The following SFI1 variants were observed in gnomAD, a reference collection of about 807,000 sequenced individuals.
SFI1 encodes the protein SFI1 centrin binding protein.
Under a neutral mutation model 207.5 loss-of-function variants are expected in SFI1, and 195 were observed. The observed-to-expected ratio is 0.94, with a 90% CI of 0.84 to 1.06. The LOEUF (loss-of-function observed/expected upper bound fraction) is 1.06, where lower values mean the gene tolerates loss of function less well. SFI1 is among the 50% of genes least tolerant of loss of function. The pLI, the probability that SFI1 is intolerant of heterozygous loss-of-function variation, is 0.00. For missense variants in SFI1, 1,634 were observed against 1,588.0 expected, an observed-to-expected ratio of 1.03 and a Z score of -0.49; for synonymous variants, 630 against 598.9, an observed-to-expected ratio of 1.05 and a Z score of -0.76.
chr22:31,614,402 C>T (rs878861199), intron 27 of SFI1: 14 of 395,208 alleles, frequency 3.5e-5, no homozygotes, highest in Admixed American at 2.8e-4. Context: ...CCTTGGGCCT[C>T]GGGGGAGATG....
intron 22 of SFI1, 107 bp downstream of exon 22, chr22:31,608,140 T>C: frequency 1.2e-6 from 1 of 804,212 alleles, no homozygotes; most frequent in Non-Finnish European, 2.0e-6. Context: ...ACATGCCAGT[T>C]CCCTGTGGTT....
intron 8 of SFI1, among the ~76,000 whole-genome samples, chr22:31,569,947 CAAAAA>C (rs71202099): frequency 6.9e-5 from 9 of 131,314 alleles, no homozygotes; most frequent in Admixed American, 7.9e-5. Flanking sequence ...GAACCTATCT[CAAAAA>C]AAAAAAAAAA....
rs130092 is a variant in SFI1, at chr22:31,568,230, T to A, written c.766-4828T>A. On this transcript the variant is annotated intron_variant, in intron 8 of 32. Coordinates refer to ENST00000400288, the MANE Select transcript of SFI1 (RefSeq NM_001007467.3). ...TGTGTGTATATATATATATATATTTTTTTTTTTTTACCATAAATGCATTTC... is the reference window on the plus strand; with the variant it reads ...TGTGTGTATATATATATATATATTTATTTTTTTTTACCATAAATGCATTTC... 6.0e-3 allele frequency among the ~76,000 whole-genome samples: 889 copies of A among 147,228 alleles called. 8 individuals carry two copies. The highest frequency in any genetic ancestry group is 0.018 in the African/African-American group (712 of 40,196).
At chr22:31,595,137 C>T (rs1569425342) in intron 15 of SFI1, among the ~76,000 whole-genome samples, 1 of 152,088 alleles carries the variant, frequency 6.6e-6, no homozygotes, top group East Asian at 1.9e-4. Context: ...GCTGGGATTA[C>T]AGGTGTGCGC....
At chr22:31,538,400 G>A (rs2059191434) in intron 4 of SFI1, 1 of 152,260 alleles carries the variant, frequency 6.6e-6, no homozygotes, top group Non-Finnish European at 1.5e-5. Context: ...AGGTCGAAAT[G>A]GAGGTGTGGG....
At chr22:31,527,203 C>T (rs778503892) in intron 2 of SFI1, among the ~76,000 whole-genome samples, 1 of 151,854 alleles carries the variant, frequency 6.6e-6, no homozygotes, top group African/African-American at 2.4e-5. Context: ...GGCTGAGAAC[C>T]TGTCTTTAAA....
chr22:31,524,428 C>CTT (rs930075359), intron 2 of SFI1, among the ~76,000 whole-genome samples: 1 of 145,764 alleles, frequency 6.9e-6, no homozygotes, highest in East Asian at 2.0e-4. Context: ...GCTCCCCTCA[C>CTT]TTTTTTTTTT....
rs527939986 is a variant in SFI1 at position 31,552,331 on chromosome 22, C to T, written c.544+1983C>T. Among the ~76,000 whole-genome samples, 6 of 152,074 alleles carry T rather than the reference C, an allele frequency of 3.9e-5. No homozygotes were observed. In the South Asian group the frequency reaches 1.0e-3, roughly 26 times the overall value. On this transcript the variant is annotated intron_variant, in intron 6 of 32. Transcript: ENST00000400288. ...GCAGTGGTGTGATCTCGGCTCACTG[C>T]AGCCTCCACCTCCTGGGTTCAAGTG...
At chr22:31,583,228 C>G (rs1398675658) in intron 12 of SFI1, among the ~76,000 whole-genome samples, 1 of 152,204 alleles carries the variant, frequency 6.6e-6, no homozygotes, top group Non-Finnish European at 1.5e-5. Context: ...ATTCTCCTGC[C>G]TCAGCCTCCC....
chr22:31,614,694 C>T, intron 27 of SFI1, 95 bp from the exon 28 acceptor site: 1 of 1,421,232 alleles, frequency 7.0e-7, no homozygotes, highest in Non-Finnish European at 9.9e-7. Flanking sequence ...TCCTGACTTT[C>T]AGTCTCCCTA....
chr22:31,533,581 A>AC (rs1055532362), intron 4 of SFI1, among the ~76,000 whole-genome samples: 1 of 150,992 alleles, frequency 6.6e-6, no homozygotes, highest in Non-Finnish European at 1.5e-5. Flanking sequence ...AAAGAAACAA[A>AC]AAAAAAAAGA....
At chr22:31,537,265 A>G (rs2059086733) in intron 4 of SFI1, among the ~76,000 whole-genome samples, 1 of 152,108 alleles carries the variant, frequency 6.6e-6, no homozygotes, top group African/African-American at 2.4e-5. Flanking sequence ...TGATCTCTTT[A>G]TCAGGAAAGA....
chr22:31,508,752 C>T (rs998858184), intron 2 of SFI1, among the ~76,000 whole-genome samples: 4 of 152,078 alleles, frequency 2.6e-5, no homozygotes, highest in South Asian at 4.1e-4. Context: ...ATGAAGCTCT[C>T]GGCACCTTAT....
intron 4 of SFI1, among the ~76,000 whole-genome samples, chr22:31,539,033 G>A (rs767717031): frequency 6.6e-6 from 1 of 152,104 alleles, no homozygotes; most frequent in Non-Finnish European, 1.5e-5. Flanking sequence ...CCTTCCAAGT[G>A]CTCAGGTCAG....
intron 15 of SFI1, 85 bp from the exon 16 acceptor site, chr22:31,602,127 A>T: frequency 8.4e-7 from 1 of 1,192,932 alleles, no homozygotes; most frequent in Non-Finnish European, 1.2e-6. Context: ...TAAAAGGAAA[A>T]ATCCAATTAT....
intron 8 of SFI1, among the ~76,000 whole-genome samples, chr22:31,572,050 G>A (rs2063005398): frequency 6.6e-6 from 1 of 152,182 alleles, no homozygotes; most frequent in Non-Finnish European, 1.5e-5. Context: ...GGACAGGGTT[G>A]GGAGGGGACT....
intron 2 of SFI1, chr22:31,521,523 C>G (rs1016635156): frequency 6.5e-6 from 1 of 153,194 alleles, no homozygotes; most frequent in Admixed American, 6.5e-5. Flanking sequence ...TAAGGAGGCT[C>G]TCTGTGAGCG....
In SFI1 at chr22:31,575,400, T is replaced by C; in HGVS notation, c.1084+8T>C. ...TTACTCACTGGAAACACTGTATCCT[T>C]TCAGATACTCAGGCTGTCCATTGCC... On this transcript the variant is annotated splice_region_variant and intron_variant, in intron 10 of 32. Transcript: ENST00000400288. 1.3e-6 allele frequency: 2 copies of C among 1,590,628 alleles called. No homozygotes were observed. The highest frequency in any genetic ancestry group is 8.6e-7 in the Non-Finnish European group (1 of 1,167,528).
At chr22:31,602,431 C>A in intron 16 of SFI1, 138 bp downstream of exon 16, 1 of 1,139,854 alleles carries the variant, frequency 8.8e-7, no homozygotes, top group Non-Finnish European at 1.3e-6. Flanking sequence ...GCAGGGCAGG[C>A]TCTGGGGCAT....
Sources: allele counts gnomAD v4.1 joint callset (sites outside exome capture counted in the v4.1 genomes callset), GRCh38; gene constraint gnomAD v4.1.1; transcripts MANE v1.5; gene names NCBI Gene and HGNC (gene_info 2026-07-23, HGNC 2026-07-21).